The following ATRNL1 variants were observed in gnomAD, a reference collection of about 807,000 sequenced individuals.
ATRNL1 encodes attractin-like protein 1.
Under a neutral mutation model 182.7 loss-of-function variants are expected in ATRNL1, and 95 were observed. That is an observed-to-expected ratio of 0.52 (90% CI 0.44 to 0.62). The LOEUF is 0.62. ATRNL1 is among the 20% of genes least tolerant of loss of function. ATRNL1 has a pLI of 0.00. For missense variants in ATRNL1, 1,471 were observed against 1,679.5 expected, an observed-to-expected ratio of 0.88 and a Z score of 2.17; for synonymous variants, 576 against 568.3, an observed-to-expected ratio of 1.01 and a Z score of -0.19.
Position 115,425,098 on chromosome 10 carries a change from C to T in ATRNL1, c.3270-1152C>T, listed in dbSNP as rs1323094142. The stretch of plus-strand genomic sequence containing the variant: ...ATTTACTCTTCAACTCATTTTTTTC[C>T]ATGAATATAAAAACTAGCTAGCACA... On this transcript the variant is annotated intron_variant, in intron 20 of 28. Transcript: ENST00000355044. Among the ~76,000 whole-genome samples the T allele has an allele frequency of 2.0e-5, 3 of 151,450 alleles. No individual in the cohort carries two copies. In the East Asian group the frequency reaches 5.8e-4, roughly 29 times the overall value.
At chr10:115,140,510 T>A (rs1845714308) in intron 5 of ATRNL1, among the ~76,000 whole-genome samples, 1 of 152,198 alleles carries the variant, frequency 6.6e-6, no homozygotes, top group South Asian at 2.1e-4. Flanking sequence ...CAATTTTTTC[T>A]TAATGTATTA....
At chr10:115,127,779 G>T in intron 4 of ATRNL1, 58 bp downstream of exon 4, 2 of 1,222,198 alleles carry the variant, frequency 1.6e-6, no homozygotes, top group Non-Finnish European at 2.2e-6. Context: ...ATGTAAAAGA[G>T]GTTTTTTTTG....
chr10:115,812,631 C>T (rs1297401000), intron 27 of ATRNL1, among the ~76,000 whole-genome samples: 4 of 152,080 alleles, frequency 2.6e-5, no homozygotes, highest in Admixed American at 1.3e-4. Context: ...TGCACACCAC[C>T]ACACCCAGCT....
At chr10:115,882,020 CCTGT>C (rs1164656559) in intron 28 of ATRNL1, among the ~76,000 whole-genome samples, 4 of 152,202 alleles carry the variant, frequency 2.6e-5, no homozygotes, top group African/African-American at 9.7e-5. Flanking sequence ...CCCTTCCCAG[CCTGT>C]CATATGCAGT....
At chr10:115,207,979 C>T (rs1848867093) in intron 8 of ATRNL1, among the ~76,000 whole-genome samples, 1 of 152,068 alleles carries the variant, frequency 6.6e-6, no homozygotes, top group South Asian at 2.1e-4. Context: ...TCTTATCACT[C>T]TGGATTAGGC....
intron 25 of ATRNL1, among the ~76,000 whole-genome samples, chr10:115,531,944 T>C (rs1423649053): frequency 4.1e-5 from 6 of 146,326 alleles, no homozygotes; most frequent in African/African-American, 7.3e-5. Context: ...GTTGTAGATA[T>C]GCGGCATTAT....
At chr10:115,123,042 T>C (rs184899576) in intron 3 of ATRNL1, among the ~76,000 whole-genome samples, 286 of 152,344 alleles carry the variant, frequency 1.9e-3, no homozygotes, top group African/African-American at 6.3e-3. Context: ...CTAGTAATTC[T>C]AATTACTTTG....
intron 26 of ATRNL1, among the ~76,000 whole-genome samples, chr10:115,715,939 C>T (rs781960083): frequency 3.9e-5 from 6 of 152,164 alleles, no homozygotes; most frequent in Non-Finnish European, 8.8e-5. Flanking sequence ...CTCCAATGAG[C>T]CTGTGACTTT....
intron 19 of ATRNL1, among the ~76,000 whole-genome samples, chr10:115,379,112 T>A (rs140356926): frequency 1.6e-3 from 239 of 152,332 alleles, no homozygotes; most frequent in African/African-American, 5.4e-3. Context: ...GCTTATAAGT[T>A]GATACTGCAA....
At chr10:115,514,744 GA>G (rs1476311200) in intron 24 of ATRNL1, among the ~76,000 whole-genome samples, 11 of 151,874 alleles carry the variant, frequency 7.2e-5, no homozygotes, top group Non-Finnish European at 1.2e-4. Flanking sequence ...ATTTGGGAGT[GA>G]TAATGAGTTA....
chr10:115,778,797 A>T (rs950190417), intron 27 of ATRNL1, among the ~76,000 whole-genome samples: 1 of 152,124 alleles, frequency 6.6e-6, no homozygotes, highest in Non-Finnish European at 1.5e-5. Context: ...CTTGTGTAGG[A>T]GGAATTGGAG....
chr10:115,497,854 C>T (rs1393119810), intron 24 of ATRNL1, among the ~76,000 whole-genome samples: 4 of 152,142 alleles, frequency 2.6e-5, no homozygotes, highest in East Asian at 1.9e-4. Flanking sequence ...GACGGGGTTT[C>T]GCCATGTTGT....
At chr10:115,511,115 T>A (rs1178194739) in intron 24 of ATRNL1, among the ~76,000 whole-genome samples, 1 of 151,890 alleles carries the variant, frequency 6.6e-6, no homozygotes, top group African/African-American at 2.4e-5. Context: ...ATTCCAGAAA[T>A]ATGTTTTATT....
chr10:115,287,209 A>G (rs1852661362), intron 15 of ATRNL1, among the ~76,000 whole-genome samples: 1 of 152,044 alleles, frequency 6.6e-6, no homozygotes, highest in South Asian at 2.1e-4. Flanking sequence ...CTTAGTAGCA[A>G]GTTAACATCC....
chr10:115,866,917 A>T (rs72830991), intron 28 of ATRNL1, among the ~76,000 whole-genome samples: 24,298 of 152,152 alleles, frequency 0.16, 2,176 homozygotes, highest in Non-Finnish European at 0.2. Flanking sequence ...AATTTACATC[A>T]TGTGTGTCAC....
chr10:115,592,439 A>G (rs1855967431), intron 26 of ATRNL1, among the ~76,000 whole-genome samples: 1 of 152,224 alleles, frequency 6.6e-6, no homozygotes, highest in African/African-American at 2.4e-5. Context: ...ACAAAATTCT[A>G]CAACTCTACA....
At chr10:115,714,735 C>T (rs1947196764) in intron 26 of ATRNL1, among the ~76,000 whole-genome samples, 1 of 151,522 alleles carries the variant, frequency 6.6e-6, no homozygotes, top group Non-Finnish European at 1.5e-5. Flanking sequence ...TTTCTCTGAT[C>T]CACTTAAAAT....
At chr10:115,915,420 G>A (rs1293424257) in intron 28 of ATRNL1, among the ~76,000 whole-genome samples, 9 of 151,498 alleles carry the variant, frequency 5.9e-5, no homozygotes, top group Admixed American at 5.9e-4. Context: ...AATTTTTTTT[G>A]ACAGTTACAA....
At chr10:115,128,452 A>G in intron 4 of ATRNL1, 1 of 813,874 alleles carries the variant, frequency 1.2e-6, no homozygotes, top group East Asian at 1.3e-4. Context: ...GAAATATTAT[A>G]AATATCCTTG....
Sources: allele counts gnomAD v4.1 joint callset (sites outside exome capture counted in the v4.1 genomes callset), GRCh38; gene constraint gnomAD v4.1.1; transcripts MANE v1.5; gene names NCBI Gene and HGNC (gene_info 2026-07-23, HGNC 2026-07-21).